The following GSDME variants were observed in gnomAD, a reference collection of about 807,000 sequenced individuals.
GSDME encodes gasdermin-E.
GSDME carries 44 observed loss-of-function variants against 47.5 expected under a neutral mutation model. That is an observed-to-expected ratio of 0.93 (90% CI 0.73 to 1.19). The LOEUF is 1.19. Ranked by LOEUF, GSDME falls within the 50% of genes most tolerant of loss-of-function variation. GSDME has a pLI of 0.00. For synonymous variants in GSDME, 258 were observed against 252.8 expected, an observed-to-expected ratio of 1.02 and a Z score of -0.20; for missense variants, 663 against 604.2, an observed-to-expected ratio of 1.10 and a Z score of -1.02.
chr7:24,743,168 A>G (rs1405247624), intron 3 of GSDME, among the ~76,000 whole-genome samples: 1 of 152,172 alleles, frequency 6.6e-6, no homozygotes, highest in Admixed American at 6.5e-5. Context: ...GGCACCCTCA[A>G]TGTCTGTACA....
intron 3 of GSDME, among the ~76,000 whole-genome samples, chr7:24,720,427 G>A (rs1789735448): frequency 6.6e-6 from 1 of 152,122 alleles, no homozygotes; most frequent in African/African-American, 2.4e-5. Context: ...CACATGCTGG[G>A]TCACCCATCC....
chr7:24,719,060 G>T lies in GSDME; in HGVS notation c.563C>A (p.Thr188Asn). ...EKCGGIVGIQ[T>N]KTVQVSATED... is the part of the protein sequence containing the mutation. ...GACTGCACGCACCTGCACCGTCTTG[G>T]TCTGGATGCCCACGATGCCACCACA... Residue 188 changes from threonine (T) to asparagine (N), a missense_variant, in exon 4 of 10, where the codon ACC becomes AAC. Thr to Asn is a moderately conservative substitution (Grantham distance 65). Coordinates refer to ENST00000645220, the MANE Select transcript of GSDME (RefSeq NM_001127453.2). 1 of 1,612,700 alleles carries T rather than the reference G, an allele frequency of 6.2e-7. No individual in the cohort carries two copies. The highest frequency in any genetic ancestry group is 8.5e-7 in the Non-Finnish European group (1 of 1,180,014).
chr7:24,717,408 C>T (rs749687675), intron 4 of GSDME, 34 bp from the exon 5 acceptor site: 28 of 1,614,006 alleles, frequency 1.7e-5, no homozygotes, highest in Non-Finnish European at 2.3e-5. Context: ...CACCTGTGCA[C>T]TCGGGCTCTC....
chr7:24,785,745 G>A, the GSDME span, among the ~76,000 whole-genome samples: 589 of 152,192 alleles, frequency 3.9e-3, 1 homozygote, highest in African/African-American at 0.013. Flanking sequence ...ATGAGCCACC[G>A]TGCCCAGCCA....
the GSDME span, among the ~76,000 whole-genome samples, chr7:24,787,135 G>T: frequency 4.6e-5 from 7 of 152,262 alleles, no homozygotes; most frequent in East Asian, 1.3e-3. The surrounding 1 kb of genome is among the most constrained non-coding windows in gnomAD (Gnocchi z 5.0). Flanking sequence ...ACGAGATACT[G>T]TGACACATCA....
the GSDME span, among the ~76,000 whole-genome samples, chr7:24,782,398 A>G: frequency 6.6e-6 from 1 of 152,102 alleles, no homozygotes; most frequent in Non-Finnish European, 1.5e-5. Context: ...ACATGAATTC[A>G]TCTTTATTTA....
At chr7:24,730,676 G>A (rs188843063) in intron 3 of GSDME, among the ~76,000 whole-genome samples, 59 of 152,198 alleles carry the variant, frequency 3.9e-4, no homozygotes, top group South Asian at 1.2e-3. Context: ...TTAGCTGGGC[G>A]TGGTGGCACG....
rs554703664 is a variant in GSDME, at chr7:24,720,831, C to T, written c.405-1613G>A. On this transcript the variant is annotated intron_variant, in intron 3 of 9. Coordinates refer to ENST00000645220, the MANE Select transcript of GSDME (RefSeq NM_001127453.2). The stretch of plus-strand genomic sequence containing the variant: ...CTGAGGCAGGAGAATTGCTTGAACC[C>T]GGGAGGCGGAGGTTGCGGTGAGCTG... 4.6e-5 allele frequency among the ~76,000 whole-genome samples: 7 copies of T among 151,828 alleles called. No homozygotes were observed. The East Asian group carries it at 7.7e-4, about 17-fold the overall frequency.
intron 2 of GSDME, among the ~76,000 whole-genome samples, chr7:24,746,366 A>T (rs1458696568): frequency 6.6e-6 from 1 of 152,180 alleles, no homozygotes; most frequent in Admixed American, 6.5e-5. Context: ...TTTGGGTAAC[A>T]TTCATTTCCC....
chr7:24,717,081 T>C, intron 5 of GSDME, 173 bp downstream of exon 5: 1 of 695,620 alleles, frequency 1.4e-6, no homozygotes. Context: ...CCTCCCCCAG[T>C]GCAGCCCATG....
the GSDME span, among the ~76,000 whole-genome samples, chr7:24,792,026 T>G: frequency 6.6e-6 from 1 of 152,170 alleles, no homozygotes. Flanking sequence ...AGAGCTACCA[T>G]GAAGTCCATG....
At chr7:24,750,672 T>C (rs1790829320) in intron 1 of GSDME, among the ~76,000 whole-genome samples, 1 of 152,212 alleles carries the variant, frequency 6.6e-6, no homozygotes, top group Admixed American at 6.5e-5. Flanking sequence ...TCATAATAGA[T>C]AGCTTACTTA....
chr7:24,766,239 A>C, the GSDME span, among the ~76,000 whole-genome samples: 1 of 149,362 alleles, frequency 6.7e-6, no homozygotes, highest in Non-Finnish European at 1.5e-5. This position sits in a 1 kb window ranked among gnomAD's most constrained non-coding sequence, Gnocchi z 4.2. Flanking sequence ...TTTCACAGTC[A>C]GCCTATACTC....
At chr7:24,786,166 C>G in the GSDME span, among the ~76,000 whole-genome samples, 1 of 152,162 alleles carries the variant, frequency 6.6e-6, no homozygotes, top group African/African-American at 2.4e-5. This position sits in a 1 kb window ranked among gnomAD's most constrained non-coding sequence, Gnocchi z 5.5. Context: ...GTGAGATTTG[C>G]AGAGGTAAGT....
rs143244279 is a variant in GSDME, at chr7:24,725,952, G to A, written c.405-6734C>T. On this transcript the variant is annotated intron_variant, in intron 3 of 9. Transcript: ENST00000645220. This position sits in a 1 kb window ranked among gnomAD's most constrained non-coding sequence, Gnocchi z 5.1. Reference sequence around the variant, plus strand: ...AGGACAGGAGTTGGATACAAGACGCGGATACATTCAAGACAGCAGCTACAT... The same window carrying A: ...AGGACAGGAGTTGGATACAAGACGCAGATACATTCAAGACAGCAGCTACAT... Among the ~76,000 whole-genome samples the A allele has an allele frequency of 0.01, 1,528 of 152,252 alleles. 21 individuals carry two copies. Among genetic ancestry groups the A allele is most frequent in the Non-Finnish European group, 0.015 (1,026 of 68,006 alleles).
At chr7:24,783,483 G>A in the GSDME span, among the ~76,000 whole-genome samples, 134 of 152,314 alleles carry the variant, frequency 8.8e-4, no homozygotes, top group Middle Eastern at 3.4e-3. Flanking sequence ...GCTCAGAATA[G>A]CTGAGCTGAG....
intron 8 of GSDME, chr7:24,703,946 C>T (rs536783284): frequency 1.3e-5 from 2 of 152,394 alleles, no homozygotes; most frequent in East Asian, 1.9e-4. Flanking sequence ...CCTGCCTTCA[C>T]TTTCCAGGGT....
In GSDME at chr7:24,732,837, T is replaced by A. The variant is rs1790190031; in HGVS notation, c.404+11725A>T. On this transcript the variant is annotated intron_variant, in intron 3 of 9. Transcript: ENST00000645220. This position sits in a 1 kb window ranked among gnomAD's most constrained non-coding sequence, Gnocchi z 4.8. ...TTCTAAATAAACTAGAAAGGCAGTC[T>A]AGGCCACAAGGACTGCAGCTCCTAG... is the stretch of plus-strand genomic sequence containing the variant. Among the ~76,000 whole-genome samples the A allele has an allele frequency of 6.6e-6, 1 of 152,170 alleles. No individual in the cohort carries two copies. Among genetic ancestry groups the A allele is most frequent in the Non-Finnish European group, 1.5e-5 (1 of 68,032 alleles).
Position 24,725,801 on chromosome 7 carries a change from T to G in GSDME, c.405-6583A>C, listed in dbSNP as rs1789946811. Reference sequence around the variant, plus strand: ...GCTGTCTGCTTGTGGATTTCATTTCTGCCTTTTAGTTTTTACTTTTTCTTT... The same window carrying G: ...GCTGTCTGCTTGTGGATTTCATTTCGGCCTTTTAGTTTTTACTTTTTCTTT... On this transcript the variant is annotated intron_variant, in intron 3 of 9. Transcript: ENST00000645220. The surrounding 1 kb of genome is among the most constrained non-coding windows in gnomAD (Gnocchi z 5.1). Among the ~76,000 whole-genome samples, 1 of 152,162 alleles carries G rather than the reference T, an allele frequency of 6.6e-6. No individual in the cohort carries two copies.
Sources: allele counts gnomAD v4.1 joint callset (sites outside exome capture counted in the v4.1 genomes callset), GRCh38; gene constraint gnomAD v4.1.1; non-coding constraint Gnocchi (gnomAD v3.1); transcripts MANE v1.5; gene names NCBI Gene and HGNC (gene_info 2026-07-23, HGNC 2026-07-21).